Variants in PRELID2 observed in about 807,000 individuals in gnomAD.
PRELID2 encodes the protein PRELI domain containing 2, also known as PRELI domain-containing protein 2.
A neutral mutation model predicts 28.4 loss-of-function variants in PRELID2; 25 were observed. That is an observed-to-expected ratio of 0.88 (90% CI 0.64 to 1.23). PRELID2 has a LOEUF of 1.23. Ranked by LOEUF, PRELID2 falls within the 50% of genes most tolerant of loss-of-function variation. The pLI is 0.00. For synonymous variants in PRELID2, 76 were observed against 71.6 expected, an observed-to-expected ratio of 1.06 and a Z score of -0.31; for missense variants, 201 against 214.4, an observed-to-expected ratio of 0.94 and a Z score of 0.39.
At chr5:145,529,129 T>C (rs956889517) in intron 1 of PRELID2, among the ~76,000 whole-genome samples, 1 of 152,322 alleles carries the variant, frequency 6.6e-6, no homozygotes, top group Non-Finnish European at 1.5e-5. Context: ...TGAAATATTG[T>C]GAAACAGTTT....
chr5:145,362,565 T>C, the PRELID2 span, among the ~76,000 whole-genome samples: 7 of 152,232 alleles, frequency 4.6e-5, no homozygotes, highest in East Asian at 1.3e-3. Context: ...ACTAAATAAA[T>C]ATTTTCTAAA....
chr5:145,528,361 G>A (rs1381546691), intron 1 of PRELID2, among the ~76,000 whole-genome samples: 1 of 152,078 alleles, frequency 6.6e-6, no homozygotes, highest in South Asian at 2.1e-4. Context: ...GTAACTATTT[G>A]TTGAATGACT....
At chr5:145,514,423 G>C (rs1237524406) in intron 1 of PRELID2, among the ~76,000 whole-genome samples, 8 of 151,766 alleles carry the variant, frequency 5.3e-5, no homozygotes, top group Non-Finnish European at 8.8e-5. Flanking sequence ...TAATGGTAAA[G>C]GGATCAGTGC....
At position 145,826,741 on chromosome 5, in the gene PRELID2, C is replaced by T. The variant is rs564684969; in HGVS notation, c.76-3607G>A. Reference sequence around the variant, plus strand: ...GGGGGAATATGCATTAAAGCAAACACATATATATAAAAAGTTAGAGGCAAG... The same window carrying T: ...GGGGGAATATGCATTAAAGCAAACATATATATATAAAAAGTTAGAGGCAAG... On this transcript the variant is annotated intron_variant, in intron 1 of 6. Transcript: ENST00000683046. Among the ~76,000 whole-genome samples the T allele has an allele frequency of 2.0e-5, 3 of 151,926 alleles. No homozygotes were observed. The South Asian group carries it at 6.2e-4, about 32-fold the overall frequency.
the PRELID2 span, among the ~76,000 whole-genome samples, chr5:145,244,061 C>T: frequency 4.6e-5 from 7 of 152,060 alleles, no homozygotes; most frequent in Non-Finnish European, 2.9e-5. Flanking sequence ...TCAAGCAATT[C>T]TCCTGCCTCA....
chr5:145,651,294 G>C (rs983645149), intron 1 of PRELID2, among the ~76,000 whole-genome samples: 4 of 152,102 alleles, frequency 2.6e-5, no homozygotes, highest in Non-Finnish European at 5.9e-5. Context: ...TGCAGGTCAA[G>C]GAGGCCTGCC....
At chr5:145,754,625 C>A (rs1343093540), downstream of PRELID2, among the ~76,000 whole-genome samples, 3 of 151,932 alleles carry the variant, frequency 2.0e-5, no homozygotes, top group African/African-American at 7.3e-5. Flanking sequence ...TGAAAAGAGC[C>A]CCTACCAGAA....
At chr5:145,636,091 T>G (rs1581017072) in intron 1 of PRELID2, among the ~76,000 whole-genome samples, 1 of 152,236 alleles carries the variant, frequency 6.6e-6, no homozygotes, top group African/African-American at 2.4e-5. Flanking sequence ...TGCTGAATTA[T>G]TTTCCAGTTG....
At chr5:145,646,391 T>G (rs749538351) in intron 1 of PRELID2, among the ~76,000 whole-genome samples, 1 of 152,208 alleles carries the variant, frequency 6.6e-6, no homozygotes, top group African/African-American at 2.4e-5. Context: ...ATCAGGTCAT[T>G]TATGTTCTTC....
chr5:145,274,781 C>T, the PRELID2 span, among the ~76,000 whole-genome samples: 2 of 152,090 alleles, frequency 1.3e-5, no homozygotes, highest in Admixed American at 6.6e-5. Context: ...GCCAGTTTGA[C>T]GTAGAGAATG....
the PRELID2 span, among the ~76,000 whole-genome samples, chr5:145,321,350 C>G: frequency 1.3e-5 from 2 of 152,160 alleles, no homozygotes; most frequent in African/African-American, 4.8e-5. Flanking sequence ...AGGTAGCACT[C>G]TTTCTTGAAA....
intron 1 of PRELID2, among the ~76,000 whole-genome samples, chr5:145,476,790 G>C (rs1302059973): frequency 6.6e-6 from 1 of 152,056 alleles, no homozygotes; most frequent in Admixed American, 6.6e-5. Context: ...ATGTGGTGTT[G>C]GGCAGGAGTA....
intron 5 of PRELID2, among the ~76,000 whole-genome samples, chr5:145,777,652 G>A (rs1444371002): frequency 2.0e-5 from 3 of 152,150 alleles, no homozygotes; most frequent in Non-Finnish European, 4.4e-5. Context: ...GGAGCCCAGG[G>A]GCAGGTGGGA....
At chr5:145,661,937 T>C (rs570745429) in intron 1 of PRELID2, among the ~76,000 whole-genome samples, 2 of 152,122 alleles carry the variant, frequency 1.3e-5, no homozygotes, top group African/African-American at 4.8e-5. Flanking sequence ...AAACAGAGCA[T>C]GGCCAAAGGA....
intron 1 of PRELID2, among the ~76,000 whole-genome samples, chr5:145,538,479 CA>C (rs565651341): frequency 3.0e-4 from 45 of 152,074 alleles, no homozygotes; most frequent in African/African-American, 9.9e-4. Flanking sequence ...AGCTGCATTT[CA>C]AGCACTCAAT....
intron 5 of PRELID2, among the ~76,000 whole-genome samples, chr5:145,789,476 C>T (rs1166221532): frequency 2.0e-5 from 3 of 152,098 alleles, no homozygotes; most frequent in Non-Finnish European, 4.4e-5. Context: ...CTGTATCTCA[C>T]ACCATATACA....
chr5:145,632,822 C>A (rs1753950633), intron 1 of PRELID2, among the ~76,000 whole-genome samples: 1 of 152,156 alleles, frequency 6.6e-6, no homozygotes, highest in Non-Finnish European at 1.5e-5. Context: ...GGTCCCTAAT[C>A]AGTTAACTTT....
At chr5:145,654,475 T>G (rs1471530836) in intron 1 of PRELID2, among the ~76,000 whole-genome samples, 1 of 152,192 alleles carries the variant, frequency 6.6e-6, no homozygotes, top group Non-Finnish European at 1.5e-5. Context: ...ATATCCCTGA[T>G]GAACATTGAT....
At chr5:145,431,075 C>T in the PRELID2 span, among the ~76,000 whole-genome samples, 1 of 138,656 alleles carries the variant, frequency 7.2e-6, no homozygotes, top group African/African-American at 2.7e-5. Flanking sequence ...AGCATCACAG[C>T]CCTAATGTTA....
Sources: allele counts gnomAD v4.1 joint callset (sites outside exome capture counted in the v4.1 genomes callset), GRCh38; gene constraint gnomAD v4.1.1; transcripts MANE v1.5; gene names NCBI Gene and HGNC (gene_info 2026-07-23, HGNC 2026-07-21).